The following EYA2 variants were observed in gnomAD, a reference collection of about 807,000 sequenced individuals.
EYA2 encodes the protein protein phosphatase EYA2.
In EYA2, 31 loss-of-function variants were observed where a neutral mutation model predicts 69.2. The observed-to-expected ratio is 0.45, with a 90% confidence interval of 0.34 to 0.60. EYA2 has a LOEUF of 0.60. Ranked by LOEUF, EYA2 falls within the 20% of genes least tolerant of loss-of-function variation. EYA2 has a pLI of 0.02. For missense variants in EYA2, 622 were observed against 701.2 expected (o/e 0.89, Z 1.28); for synonymous variants, 257 against 279.4 (o/e 0.92, Z 0.80).
chr20:47,065,756 C>T (rs1246410153), intron 5 of EYA2, among the ~76,000 whole-genome samples: 1 of 152,144 alleles, frequency 6.6e-6, no homozygotes, highest in African/African-American at 2.4e-5. Context: ...TTTATCTCAT[C>T]ATAGACTGGT....
At chr20:47,049,588 TGTGACACCCCCTGCTCCATGTTGTCA>T (rs2030218805) in intron 5 of EYA2, among the ~76,000 whole-genome samples, 1 of 55,402 alleles carries the variant, frequency 1.8e-5, no homozygotes, top group African/African-American at 4.1e-5. Context: ...TGTCTCGTCG[TGTGACACCCCCTGCTCCATGTTGTCA>T]TGTGACACAC....
At chr20:47,150,999 C>T (rs2033811443) in intron 10 of EYA2, among the ~76,000 whole-genome samples, 1 of 152,046 alleles carries the variant, frequency 6.6e-6, no homozygotes, top group Admixed American at 6.5e-5. Flanking sequence ...CTGGCAGTCT[C>T]ATCCTGACAC....
chr20:47,145,206 TG>T (rs1160221322), intron 10 of EYA2, among the ~76,000 whole-genome samples: 2 of 149,164 alleles, frequency 1.3e-5, no homozygotes, highest in Non-Finnish European at 3.0e-5. Flanking sequence ...GAACAAGTGA[TG>T]GGGATGGAGG....
intron 1 of EYA2, among the ~76,000 whole-genome samples, chr20:46,939,532 C>G (rs1451002037): frequency 2.0e-5 from 3 of 152,000 alleles, no homozygotes; most frequent in Non-Finnish European, 4.4e-5. Flanking sequence ...ATAAGTTCCC[C>G]TTTTTATTTA....
chr20:46,964,781 G>A (rs537914523), intron 1 of EYA2, among the ~76,000 whole-genome samples: 2 of 152,338 alleles, frequency 1.3e-5, no homozygotes, highest in East Asian at 3.9e-4. Context: ...ATCAAGCTGT[G>A]TAGCTGGCAC....
chr20:46,978,777 G>A (rs1000877655), intron 1 of EYA2: 4 of 506,400 alleles, frequency 7.9e-6, no homozygotes, highest in South Asian at 1.5e-5. Flanking sequence ...TTGGACCTGG[G>A]CGATGGCCAT....
At chr20:47,067,244 TC>T (rs1350610586) in intron 5 of EYA2, among the ~76,000 whole-genome samples, 1 of 151,898 alleles carries the variant, frequency 6.6e-6, no homozygotes, top group Non-Finnish European at 1.5e-5. Context: ...CAGTCAGGAG[TC>T]TTCTGAGACA....
At chr20:47,002,358 C>T (rs1301529101) in intron 3 of EYA2, among the ~76,000 whole-genome samples, 3 of 152,176 alleles carry the variant, frequency 2.0e-5, no homozygotes, top group Non-Finnish European at 4.4e-5. Flanking sequence ...CTCCCTCTCC[C>T]CTACCCTTCC....
At chr20:46,921,495 C>T (rs1405541847) in intron 1 of EYA2, among the ~76,000 whole-genome samples, 1 of 152,174 alleles carries the variant, frequency 6.6e-6, no homozygotes, top group African/African-American at 2.4e-5. Flanking sequence ...CCCCACTCTC[C>T]AGTTCTAAGT....
intron 5 of EYA2, among the ~76,000 whole-genome samples, chr20:47,048,543 G>A (rs954354344): frequency 1.3e-5 from 2 of 152,114 alleles, no homozygotes; most frequent in Non-Finnish European, 2.9e-5. Flanking sequence ...TGAGACCAGC[G>A]TGGCTAACAT....
At chr20:47,128,714 G>GA (rs1184984659) in intron 9 of EYA2, among the ~76,000 whole-genome samples, 1 of 152,156 alleles carries the variant, frequency 6.6e-6, no homozygotes, top group East Asian at 1.9e-4. Flanking sequence ...CGTGACCTTG[G>GA]ACAAGTCACT....
intron 1 of EYA2, among the ~76,000 whole-genome samples, chr20:46,905,615 C>T (rs1027446077): frequency 1.3e-5 from 2 of 152,232 alleles, no homozygotes; most frequent in African/African-American, 4.8e-5. Flanking sequence ...GAAGTGACTT[C>T]CTCCTCAGAC....
intron 8 of EYA2, among the ~76,000 whole-genome samples, 182 bp downstream of exon 8, chr20:47,089,563 G>A (rs1243381667): frequency 1.3e-5 from 2 of 152,252 alleles, no homozygotes; most frequent in Non-Finnish European, 2.9e-5. Flanking sequence ...ACAGAAGAGA[G>A]GTTCTCAAAC....
chr20:47,046,053 C>T (rs749351155), intron 5 of EYA2, among the ~76,000 whole-genome samples: 3 of 152,168 alleles, frequency 2.0e-5, no homozygotes, highest in Non-Finnish European at 4.4e-5. Flanking sequence ...TTACTTCTAA[C>T]AGTTCTAGGG....
intron 1 of EYA2, among the ~76,000 whole-genome samples, chr20:46,938,664 G>A (rs763527066): frequency 2.0e-5 from 3 of 152,176 alleles, no homozygotes; most frequent in Non-Finnish European, 4.4e-5. Flanking sequence ...AGGAAGAGAG[G>A]AAGAGAGGGA....
At chr20:47,057,517 C>CCCCCG (rs1555818688) in intron 5 of EYA2, among the ~76,000 whole-genome samples, 1 of 150,582 alleles carries the variant, frequency 6.6e-6, no homozygotes, top group African/African-American at 2.4e-5. Flanking sequence ...ATCACCCCCC[C>CCCCCG]CCCCCATCTC....
intron 9 of EYA2, among the ~76,000 whole-genome samples, chr20:47,135,143 A>AAAAAAAC (rs2033432179): frequency 6.6e-6 from 1 of 150,746 alleles, no homozygotes. Flanking sequence ...AAAAAAAAAA[A>AAAAAAAC]AAAAAACAGA....
chr20:47,017,167 A>G (rs1983462048), intron 5 of EYA2, among the ~76,000 whole-genome samples: 1 of 152,148 alleles, frequency 6.6e-6, no homozygotes, highest in South Asian at 2.1e-4. Flanking sequence ...CCCCCTTGGG[A>G]GCATGCTGGA....
intron 5 of EYA2, among the ~76,000 whole-genome samples, chr20:47,039,817 C>CATT (rs1339131787): frequency 1.5e-5 from 2 of 133,688 alleles, no homozygotes; most frequent in Non-Finnish European, 3.2e-5. Context: ...CTCATAGGGT[C>CATT]ATTGTGAAGA....
Sources: allele counts gnomAD v4.1 joint callset (sites outside exome capture counted in the v4.1 genomes callset), GRCh38; gene constraint gnomAD v4.1.1; transcripts MANE v1.5; gene names NCBI Gene and HGNC (gene_info 2026-07-23, HGNC 2026-07-21).